The following FAM149A variants were observed in gnomAD, a reference collection of about 807,000 sequenced individuals.
The protein encoded by FAM149A is family with sequence similarity 149 member A.
In FAM149A, 71 loss-of-function variants were observed where a neutral mutation model predicts 78.2. The ratio of observed to expected loss-of-function variants is 0.91; its 90% CI spans 0.75 to 1.11. The LOEUF is 1.11. Among genes scored for constraint, FAM149A ranks in the 50% least tolerant of loss-of-function variants. The pLI is 0.00. For missense variants in FAM149A, 1,036 were observed against 971.0 expected (o/e 1.07, Z -0.89); for synonymous variants, 446 against 410.5 (o/e 1.09, Z -1.04).
At position 186,134,670 on chromosome 4, in the gene FAM149A, A is replaced by G. The variant is rs143647559; in HGVS notation, c.567-14503A>G. On this transcript the variant is annotated intron_variant, in intron 1 of 13. Coordinates refer to ENST00000389354, the MANE Select transcript of FAM149A (RefSeq NM_001367768.3). ...GAAAGGGTGTTCTGCTGGTGTTCCCACCCAAAGATGGAATAGGATTTACTT... is the reference window on the plus strand; with the variant it reads ...GAAAGGGTGTTCTGCTGGTGTTCCCGCCCAAAGATGGAATAGGATTTACTT... 4.3e-3 allele frequency among the ~76,000 whole-genome samples: 653 copies of G among 152,208 alleles called. 5 individuals are homozygous for G. The highest frequency in any genetic ancestry group is 0.015 in the African/African-American group (611 of 41,534).
At chr4:186,159,273 C>T (rs570468189) in intron 8 of FAM149A, among the ~76,000 whole-genome samples, 137 of 152,096 alleles carry the variant, frequency 9.0e-4, no homozygotes, top group Middle Eastern at 3.4e-3. Flanking sequence ...CAAAAAAAAC[C>T]TTGTAGAAGA....
At position 186,156,040 on chromosome 4, in the gene FAM149A, A is replaced by G. The variant is rs1243381847; in HGVS notation, c.1270A>G (p.Arg424Gly). Residue 424 changes from arginine (R) to glycine (G), a missense_variant, in exon 7 of 14, where the codon AGG becomes GGG. Physicochemically the swap from Arg to Gly is moderately radical, Grantham distance 125 (BLOSUM62 -2). Coordinates refer to ENST00000389354, the MANE Select transcript of FAM149A (RefSeq NM_001367768.3). ...TGAACAAAAACCAGCTCAGCCCGGT[A>G]GGAAATGGCGCAAACTCGGACTTCC... 4 of 1,613,844 alleles carry G rather than the reference A, an allele frequency of 2.5e-6. No individual in the cohort carries two copies. Among genetic ancestry groups the G allele is most frequent in the African/African-American group, 1.3e-5 (1 of 75,010 alleles).
At chr4:186,116,385 G>A in intron 1 of FAM149A, 1 of 781,816 alleles carries the variant, frequency 1.3e-6, no homozygotes, top group Non-Finnish European at 1.6e-6. Context: ...CTGTAGACCG[G>A]AGCTGTTCCT....
At position 186,136,971 on chromosome 4, in the gene FAM149A, TCTCTTTCTCTC is replaced by T. The variant is rs2099323275; in HGVS notation, c.567-12201_567-12191del. On this transcript the variant is annotated intron_variant, in intron 1 of 13. Transcript: ENST00000389354. ...CTCTCTCTCTCTCTCTCTTTCTCTC[TCTCTTTCTCTC>T]TCTCTCTCTCTCTCTCTCTCTCTCT... Among the ~76,000 whole-genome samples, 5 of 71,266 alleles carry T rather than the reference TCTCTTTCTCTC, an allele frequency of 7.0e-5. No individual in the cohort carries two copies. In the Admixed American group the frequency reaches 8.6e-4, roughly 12 times the overall value. 46.8% of individuals were successfully genotyped at this position (71,266 alleles called of 152,430 possible).
At chr4:186,160,145 TAC>T (rs891721289) in intron 8 of FAM149A, among the ~76,000 whole-genome samples, 2 of 88,008 alleles carry the variant, frequency 2.3e-5, no homozygotes, top group African/African-American at 4.2e-5. Context: ...ACATACCACA[TAC>T]ACACACTACA....
intron 1 of FAM149A, among the ~76,000 whole-genome samples, chr4:186,130,325 G>C (rs1455522709): frequency 1.8e-5 from 1 of 54,376 alleles, no homozygotes. Context: ...AATCTATATC[G>C]ACAGAACTAA....
At chr4:186,168,186 C>T (rs897637569) in intron 13 of FAM149A, among the ~76,000 whole-genome samples, 5 of 152,174 alleles carry the variant, frequency 3.3e-5, no homozygotes, top group South Asian at 2.1e-4. Context: ...ATAGTGATGT[C>T]GAGATTCTTC....
rs1159876350 is a variant in FAM149A at position 186,155,913 on chromosome 4, C to A, written c.1230-87C>A. On this transcript the variant is annotated intron_variant, in intron 6 of 13. Transcript: ENST00000389354. ...AAGAATGTTTATTAATATATGTATA[C>A]ATGTACATACGTGAATGTGTGTAGA... 5 of 995,108 alleles carry A rather than the reference C, an allele frequency of 5.0e-6. No individual in the cohort carries two copies. The African/African-American group carries it at 6.5e-5, about 13-fold the overall frequency. The allele number at this position is 995,108 out of a possible 1,614,324, so 61.6% of individuals were successfully genotyped here. A position where few individuals can be genotyped will look rare whatever the true frequency, so the allele number is the denominator to read the frequency against.
chr4:186,169,347 T>C, intron 13 of FAM149A: 1 of 985,268 alleles, frequency 1.0e-6, no homozygotes, highest in Non-Finnish European at 1.2e-6. Context: ...AGAACGCGGC[T>C]CAAAGGCGTG....
chr4:186,129,097 G>A (rs995191892), intron 1 of FAM149A, among the ~76,000 whole-genome samples: 3 of 151,426 alleles, frequency 2.0e-5, no homozygotes, highest in Non-Finnish European at 2.9e-5. Flanking sequence ...GTATGGGTGT[G>A]TGTCTCTCTG....
At chr4:186,106,309 C>A (rs1462343305) in intron 1 of FAM149A, among the ~76,000 whole-genome samples, 1 of 152,170 alleles carries the variant, frequency 6.6e-6, no homozygotes, top group African/African-American at 2.4e-5. Context: ...CCTCAACACA[C>A]ACACACCCAC....
chr4:186,126,141 C>T (rs1359690777), intron 1 of FAM149A: 1 of 973,774 alleles, frequency 1.0e-6, no homozygotes, highest in African/African-American at 1.8e-5. Flanking sequence ...TATCATATCA[C>T]TTGCCCTGTC....
intron 13 of FAM149A, among the ~76,000 whole-genome samples, chr4:186,170,660 G>A (rs1735449379): frequency 6.6e-6 from 1 of 152,210 alleles, no homozygotes; most frequent in Admixed American, 6.5e-5. Context: ...GGCAGGTGGT[G>A]TGCAGGGGTC....
At chr4:186,107,610 G>C (rs1252099734) in intron 1 of FAM149A, 1 of 152,206 alleles carries the variant, frequency 6.6e-6, no homozygotes, top group Non-Finnish European at 1.5e-5. Flanking sequence ...TGTTTCTGTG[G>C]AGACGGGGTC....
In FAM149A at chr4:186,125,601, G is replaced by A. The variant is rs867431526; in HGVS notation, c.566+19959G>A. The A allele has an allele frequency of 2.0e-5, 13 of 641,316 alleles. No individual in the cohort carries two copies. The South Asian group carries it at 8.3e-4, about 41-fold the overall frequency. The allele number at this position is 641,316 out of a possible 1,614,324, so 39.7% of individuals were successfully genotyped here. A position where few individuals can be genotyped will look rare whatever the true frequency, so the allele number is the denominator to read the frequency against. ...AGAATTTGCACACGAGGTAAAGGGAGAGTCAACAGCACAGGCTTGTTGTCA... is the reference window on the plus strand; with the variant it reads ...AGAATTTGCACACGAGGTAAAGGGAAAGTCAACAGCACAGGCTTGTTGTCA... On this transcript the variant is annotated intron_variant, in intron 1 of 13. Coordinates refer to ENST00000389354, the MANE Select transcript of FAM149A (RefSeq NM_001367768.3).
chr4:186,165,804 A>T (rs1038057971), intron 11 of FAM149A, among the ~76,000 whole-genome samples: 1 of 151,986 alleles, frequency 6.6e-6, no homozygotes, highest in Non-Finnish European at 1.5e-5. Flanking sequence ...TGCCACAGAA[A>T]CTCTCTTCTA....
chr4:186,136,942 C>CTCTCTCTCTCTCTCTT (rs2099323055), intron 1 of FAM149A, among the ~76,000 whole-genome samples: 15 of 97,162 alleles, frequency 1.5e-4, no homozygotes, highest in Middle Eastern at 4.9e-3. Flanking sequence ...ATTGATCTCT[C>CTCTCTCTCTCTCTCTT]TCTCTCTCTC....
intron 1 of FAM149A, chr4:186,145,140 C>T (rs1732926010): frequency 1.0e-6 from 1 of 985,656 alleles, no homozygotes; most frequent in African/African-American, 1.7e-5. Flanking sequence ...GCAGGGCTCG[C>T]CTTCTGGCCG....
chr4:186,116,490 G>T (rs1335271367), intron 1 of FAM149A: 5 of 984,854 alleles, frequency 5.1e-6, no homozygotes, highest in African/African-American at 3.5e-5. Flanking sequence ...ATTCAACTTG[G>T]TTTTCCATAT....
Sources: gnomAD v4.1 joint callset for allele counts (sites outside exome capture counted in the v4.1 genomes callset) on GRCh38, gnomAD v4.1.1 for gene constraint, MANE v1.5 for transcripts, NCBI Gene and HGNC (gene_info 2026-07-23, HGNC 2026-07-21) for gene names.